Variants in KCTD2 observed in about 807,000 individuals in gnomAD.
The protein encoded by KCTD2 is BTB/POZ domain-containing protein KCTD2.
In KCTD2, 18 loss-of-function variants were observed where a neutral mutation model predicts 27.9. The observed-to-expected ratio is 0.64, with a 90% CI of 0.45 to 0.96. The LOEUF is 0.96. KCTD2 is among the 40% of genes least tolerant of loss of function. The pLI is 0.00. For synonymous variants in KCTD2, 175 were observed against 148.4 expected (o/e 1.18, Z -1.30); for missense variants, 280 against 348.0 (o/e 0.80, Z 1.56).
chr17:75,044,661 AAC>A (rs1409524474), upstream of KCTD2, among the ~76,000 whole-genome samples: 1 of 152,140 alleles, frequency 6.6e-6, no homozygotes, highest in Non-Finnish European at 1.5e-5. Context: ...AGAGGTATTC[AAC>A]ACATGTGAAA....
At chr17:75,055,395 T>C (rs1266584180) in intron 3 of KCTD2, among the ~76,000 whole-genome samples, 1 of 152,040 alleles carries the variant, frequency 6.6e-6, no homozygotes, top group Non-Finnish European at 1.5e-5. Context: ...CCTTGGTCTT[T>C]CTATGTTAGA....
intron 3 of KCTD2, among the ~76,000 whole-genome samples, chr17:75,037,347 A>G (rs934054965): frequency 1.8e-5 from 2 of 110,698 alleles, no homozygotes; most frequent in Admixed American, 8.6e-5. Context: ...CCATATCAGA[A>G]AAAAAAAAAA....
chr17:75,047,259 A>C lies in KCTD2; in HGVS notation c.9A>C (p.Glu3Asp). Residue 3 changes from glutamate (E) to aspartate (D), a missense_variant, in exon 1 of 6, where the codon GAA (glutamate) becomes GAC (aspartate). By Grantham distance (45) the Glu-to-Asp change is conservative (BLOSUM62 2). Transcript: ENST00000322444. ...GGCGGCGGCGGTCCAAGATGGCGGA[A>C]CTGCAGCTGGACCCGGCGATGGCGG... The part of the protein sequence containing the change: MA[E>D]LQLDPAMAGL... The C allele has an allele frequency of 5.7e-5, 49 of 861,446 alleles. No homozygotes were observed. The highest frequency in any genetic ancestry group is 1.5e-4 in the East Asian group (2 of 13,100). 53.4% of individuals were successfully genotyped at this position (861,446 alleles called of 1,614,324 possible).
intron 3 of KCTD2, among the ~76,000 whole-genome samples, chr17:75,054,206 A>G (rs1271091832): frequency 6.6e-6 from 1 of 150,722 alleles, no homozygotes; most frequent in Non-Finnish European, 1.5e-5. Context: ...TTGGGTAGAA[A>G]CGAGCCTTGT....
At chr17:75,058,730 C>T (rs2073374494) in intron 3 of KCTD2, among the ~76,000 whole-genome samples, 3 of 151,432 alleles carry the variant, frequency 2.0e-5, no homozygotes, top group Admixed American at 6.6e-5. Flanking sequence ...ACCGGGGAGG[C>T]GGAGTTGCAG....
At chr17:75,051,167 G>T (rs1420195981) in intron 2 of KCTD2, among the ~76,000 whole-genome samples, 1 of 150,744 alleles carries the variant, frequency 6.6e-6, no homozygotes, top group Non-Finnish European at 1.5e-5. Context: ...TAGAGACAGG[G>T]TTTCACCATA....
intron 2 of KCTD2, among the ~76,000 whole-genome samples, chr17:75,035,008 G>T (rs974763921): frequency 6.6e-6 from 1 of 152,102 alleles, no homozygotes; most frequent in Non-Finnish European, 1.5e-5. Context: ...GGAAGGGTGA[G>T]CGCTTCGCTC....
chr17:75,040,028 G>A (rs752836537), intron 3 of KCTD2: 54 of 1,546,426 alleles, frequency 3.5e-5, no homozygotes, highest in Non-Finnish European at 4.6e-5. Context: ...ACTTAACTTA[G>A]CTATAATAGA....
upstream of KCTD2, among the ~76,000 whole-genome samples, chr17:75,043,907 G>A (rs2073185614): frequency 1.3e-5 from 2 of 148,686 alleles, no homozygotes; most frequent in Non-Finnish European, 3.0e-5. Flanking sequence ...ACAGCAACTT[G>A]CTCCAGAGTT....
intron 1 of KCTD2, 85 bp downstream of exon 1, chr17:75,047,674 C>T (rs1437475199): frequency 2.5e-5 from 35 of 1,393,578 alleles, no homozygotes; most frequent in Non-Finnish European, 3.3e-5. Flanking sequence ...GAGACACGCT[C>T]CTCACAGGCA....
intron 3 of KCTD2, 61 bp downstream of exon 3, chr17:75,053,166 T>A: frequency 7.4e-7 from 1 of 1,350,980 alleles, no homozygotes; most frequent in Admixed American, 1.8e-5. Context: ...GGTCGGTCTG[T>A]GATTTGAAAA....
rs2144947931 is a variant in KCTD2 at position 75,064,812 on chromosome 17, AGT to A, written c.*1767_*1768del. On this transcript the variant is annotated 3_prime_UTR_variant, in exon 6 of 6. Transcript: ENST00000322444. ...AAAGTTAGATGTAGCCAAGGAAAGT[AGT>A]GATCACGGGAAGGACTGCTCTGAGC... 1 of 152,212 alleles carries A rather than the reference AGT, an allele frequency of 6.6e-6. No individual in the cohort carries two copies. The highest frequency in any genetic ancestry group is 2.1e-4 in the South Asian group (1 of 4,832). The allele number at this position is 152,212 out of a possible 1,614,324, so 9.4% of individuals were successfully genotyped here.
At chr17:75,049,885 C>T (rs2073266887) in intron 2 of KCTD2, among the ~76,000 whole-genome samples, 1 of 152,178 alleles carries the variant, frequency 6.6e-6, no homozygotes, top group Non-Finnish European at 1.5e-5. Context: ...ATAAGTGGGT[C>T]TAGTCCACTT....
upstream of KCTD2, among the ~76,000 whole-genome samples, chr17:75,045,636 C>T (rs547553451): frequency 6.6e-6 from 1 of 151,672 alleles, no homozygotes; most frequent in East Asian, 2.0e-4. Context: ...CTGTTCTGCC[C>T]GGCTCACCGG....
intron 3 of KCTD2, among the ~76,000 whole-genome samples, chr17:75,057,441 G>T (rs1203872636): frequency 6.6e-6 from 1 of 151,914 alleles, no homozygotes. Context: ...TATACAATTG[G>T]TTTCCAAAAT....
At chr17:75,033,905 A>G (rs1218104510) in intron 1 of KCTD2, 2 of 152,324 alleles carry the variant, frequency 1.3e-5, no homozygotes, top group African/African-American at 2.4e-5. Flanking sequence ...ACGTGCCCCA[A>G]GCCCCAGTGG....
intron 2 of KCTD2, among the ~76,000 whole-genome samples, chr17:75,052,423 G>A (rs1017228823): frequency 9.9e-5 from 15 of 152,064 alleles, no homozygotes; most frequent in Middle Eastern, 6.8e-3. Context: ...CCGTCTCTGC[G>A]AAAAATACAA....
At chr17:75,041,247 C>CG (rs1018968433) in intron 3 of KCTD2, 3 of 149,326 alleles carry the variant, frequency 2.0e-5, no homozygotes, top group Non-Finnish European at 4.4e-5. Context: ...CCCAGTTACT[C>CG]GGGGGGATGA....
intron 4 of KCTD2, among the ~76,000 whole-genome samples, chr17:75,061,506 G>A (rs2073403612): frequency 6.6e-6 from 1 of 152,100 alleles, no homozygotes; most frequent in Admixed American, 6.5e-5. Context: ...GAATTAGCCA[G>A]GCATGGTGGC....
Sources: gnomAD v4.1 joint callset for allele counts (sites outside exome capture counted in the v4.1 genomes callset) on GRCh38, gnomAD v4.1.1 for gene constraint, MANE v1.5 for transcripts, NCBI Gene and HGNC (gene_info 2026-07-23, HGNC 2026-07-21) for gene names.